NRG1: variants seen among roughly 807,000 people sequenced by gnomAD.
NRG1 encodes neuregulin 1, also known as pro-neuregulin-1, membrane-bound isoform.
Under a neutral mutation model 63.8 loss-of-function variants are expected in NRG1, and 18 were observed. The ratio of observed to expected loss-of-function variants is 0.28; its 90% CI spans 0.19 to 0.42. The LOEUF is 0.42. Among genes scored for constraint, NRG1 ranks in the 10% least tolerant of loss-of-function variants. NRG1 has a pLI of 1.00. For synonymous variants in NRG1, 302 were observed against 301.3 expected (o/e 1.00, Z -0.02); for missense variants, 762 against 814.7 (o/e 0.94, Z 0.79).
At chr8:32,417,531 C>T (rs1816089287) in intron 1 of NRG1, among the ~76,000 whole-genome samples, 1 of 152,134 alleles carries the variant, frequency 6.6e-6, no homozygotes, top group South Asian at 2.1e-4. Flanking sequence ...ACAATATTCA[C>T]AGATATTCAG....
chr8:32,556,686 T>C (rs1361730415), intron 1 of NRG1, among the ~76,000 whole-genome samples: 1 of 152,244 alleles, frequency 6.6e-6, no homozygotes, highest in Non-Finnish European at 1.5e-5. Flanking sequence ...CAGGTGAAAA[T>C]GCATCTCATT....
chr8:32,075,115 T>G (rs565161139), intron 1 of NRG1, among the ~76,000 whole-genome samples: 1 of 152,360 alleles, frequency 6.6e-6, no homozygotes, highest in South Asian at 2.1e-4. Context: ...AGAGCAGTGC[T>G]TGGCTGGAGT....
intron 5 of NRG1, among the ~76,000 whole-genome samples, chr8:32,626,952 G>A (rs1440848920): frequency 2.0e-5 from 3 of 151,932 alleles, no homozygotes; most frequent in Admixed American, 6.5e-5. Flanking sequence ...ACCTGGGAGC[G>A]GAGGTTGCAG....
chr8:32,123,008 T>A (rs958086472), intron 1 of NRG1, among the ~76,000 whole-genome samples: 7 of 151,966 alleles, frequency 4.6e-5, no homozygotes, highest in Non-Finnish European at 7.4e-5. Flanking sequence ...AATGAAGAAC[T>A]TTTTTAAGAG....
chr8:31,662,833 T>G (rs1265879960), intron 1 of NRG1, among the ~76,000 whole-genome samples: 1 of 152,204 alleles, frequency 6.6e-6, no homozygotes, highest in African/African-American at 2.4e-5. Context: ...ATTGTTGGGA[T>G]GAAGAAGAGT....
chr8:32,005,989 A>G (rs908985751), intron 1 of NRG1, among the ~76,000 whole-genome samples: 1 of 151,976 alleles, frequency 6.6e-6, no homozygotes, highest in African/African-American at 2.4e-5. Flanking sequence ...CTATTTGTCC[A>G]ATTTACTACC....
At chr8:31,929,668 T>C (rs1452830760) in intron 1 of NRG1, among the ~76,000 whole-genome samples, 1 of 152,234 alleles carries the variant, frequency 6.6e-6, no homozygotes. Flanking sequence ...TTTTAATTGC[T>C]ATAAATTGCC....
intron 1 of NRG1, among the ~76,000 whole-genome samples, chr8:31,655,402 C>G (rs1563260512): frequency 6.6e-6 from 1 of 152,020 alleles, no homozygotes; most frequent in African/African-American, 2.4e-5. Flanking sequence ...CTGAAAGATA[C>G]AAGAAGGTCT....
chr8:31,767,700 C>T (rs1332713074), intron 1 of NRG1, among the ~76,000 whole-genome samples: 2 of 151,836 alleles, frequency 1.3e-5, no homozygotes, highest in South Asian at 2.1e-4. Context: ...ATGAGCTGGG[C>T]GTGGTGGCAG....
chr8:32,532,801 A>T (rs2129518373), intron 1 of NRG1, among the ~76,000 whole-genome samples: 1 of 152,204 alleles, frequency 6.6e-6, no homozygotes, highest in African/African-American at 2.4e-5. Context: ...ACTAGATATG[A>T]TTTAATCATG....
chr8:31,833,121 G>T (rs944621775), intron 1 of NRG1, among the ~76,000 whole-genome samples: 8 of 152,086 alleles, frequency 5.3e-5, no homozygotes, highest in African/African-American at 1.9e-4. Context: ...TTCAAAGATT[G>T]GGAAAGAAAA....
At chr8:32,200,506 TC>T (rs1843395835) in intron 1 of NRG1, among the ~76,000 whole-genome samples, 1 of 152,162 alleles carries the variant, frequency 6.6e-6, no homozygotes, top group Non-Finnish European at 1.5e-5. Flanking sequence ...TTTATTTAGA[TC>T]TCTTCCTTTC....
intron 1 of NRG1, among the ~76,000 whole-genome samples, chr8:32,389,763 T>G (rs928783188): frequency 9.8e-5 from 1 of 10,200 alleles, no homozygotes; most frequent in African/African-American, 3.3e-4. Context: ...TTCTTTCTTT[T>G]TTTTTTTTTT....
intron 1 of NRG1, among the ~76,000 whole-genome samples, chr8:32,090,504 A>G (rs541896560): frequency 6.6e-6 from 1 of 152,210 alleles, no homozygotes; most frequent in Admixed American, 6.5e-5. Context: ...TATTTTTAGT[A>G]GAGATGGGGT....
chr8:32,221,826 A>T (rs1425368230), intron 1 of NRG1, among the ~76,000 whole-genome samples: 2 of 152,160 alleles, frequency 1.3e-5, no homozygotes, highest in Non-Finnish European at 2.9e-5. Context: ...AAAAGGAAAA[A>T]AATTGAACAT....
intron 1 of NRG1, among the ~76,000 whole-genome samples, chr8:32,530,084 A>AT (rs1193404585): frequency 1.3e-5 from 2 of 151,932 alleles, no homozygotes; most frequent in African/African-American, 4.8e-5. Context: ...GGTGATAGGA[A>AT]TTTTTTAGCT....
intron 1 of NRG1, among the ~76,000 whole-genome samples, chr8:31,660,797 T>C (rs759702206): frequency 6.6e-6 from 1 of 152,366 alleles, no homozygotes; most frequent in South Asian, 2.1e-4. Context: ...ACTTCTGTTT[T>C]TATCTTGAGA....
chr8:31,709,399 T>C (rs2131242837), intron 1 of NRG1, among the ~76,000 whole-genome samples: 1 of 152,262 alleles, frequency 6.6e-6, no homozygotes, highest in South Asian at 2.1e-4. Context: ...TATTCATACC[T>C]AAGATTCGTC....
intron 1 of NRG1, among the ~76,000 whole-genome samples, chr8:32,515,569 A>G (rs1829739189): frequency 6.6e-6 from 1 of 151,910 alleles, no homozygotes; most frequent in Admixed American, 6.6e-5. Context: ...TCAGCCCCCA[A>G]ATAGCTGGAA....
Sources: allele counts gnomAD v4.1 joint callset (sites outside exome capture counted in the v4.1 genomes callset), GRCh38; gene constraint gnomAD v4.1.1; transcripts MANE v1.5; gene names NCBI Gene and HGNC (gene_info 2026-07-23, HGNC 2026-07-21).